The following C8orf34 variants were observed in gnomAD, a reference collection of about 807,000 sequenced individuals.
C8orf34 encodes the protein chromosome 8 open reading frame 34, also known as uncharacterized protein C8orf34.
Under a neutral mutation model 68.3 loss-of-function variants are expected in C8orf34, and 65 were observed. That is an observed-to-expected ratio of 0.95 (90% CI 0.78 to 1.17). The LOEUF (loss-of-function observed/expected upper bound fraction) is 1.17. Among genes scored for constraint, C8orf34 ranks in the 50% most tolerant of loss-of-function variants. The probability of loss-of-function intolerance (pLI) is 0.00; values close to 1 mark genes in which losing one functional copy is unlikely to be tolerated. For missense variants in C8orf34, 664 were observed against 655.4 expected (o/e 1.01, Z -0.14); for synonymous variants, 244 against 241.2 (o/e 1.01, Z -0.11).
intron 8 of C8orf34, among the ~76,000 whole-genome samples, chr8:68,675,369 CA>C (rs531919751): frequency 1.4e-4 from 22 of 151,964 alleles, no homozygotes; most frequent in Non-Finnish European, 2.5e-4. Flanking sequence ...CTTTTCAAGA[CA>C]GACAGTATAA....
chr8:68,575,011 A>G (rs1816860906), intron 7 of C8orf34, among the ~76,000 whole-genome samples: 1 of 152,090 alleles, frequency 6.6e-6, no homozygotes, highest in South Asian at 2.1e-4. Flanking sequence ...ATAAATATTA[A>G]TGCCATGGCT....
At chr8:68,411,650 G>A (rs1809448677) in intron 1 of C8orf34, among the ~76,000 whole-genome samples, 1 of 152,188 alleles carries the variant, frequency 6.6e-6, no homozygotes, top group Non-Finnish European at 1.5e-5. Context: ...TACAAACAGA[G>A]TTCAGCATAT....
intron 8 of C8orf34, among the ~76,000 whole-genome samples, chr8:68,677,686 C>T (rs1820236369): frequency 6.6e-6 from 1 of 151,506 alleles, no homozygotes; most frequent in Non-Finnish European, 1.5e-5. Context: ...ACTAGAAAGG[C>T]AAGAGCAAAC....
intron 6 of C8orf34, among the ~76,000 whole-genome samples, chr8:68,528,690 C>A (rs1376317328): frequency 6.6e-6 from 1 of 152,218 alleles, no homozygotes; most frequent in Non-Finnish European, 1.5e-5. Flanking sequence ...CCCGGCAATG[C>A]AGCTGCACCT....
intron 12 of C8orf34, among the ~76,000 whole-genome samples, chr8:68,812,964 A>G (rs1824699313): frequency 6.6e-6 from 1 of 152,218 alleles, no homozygotes; most frequent in South Asian, 2.1e-4. Context: ...TTCTGTAGTA[A>G]TCATAGTTCA....
intron 13 of C8orf34, among the ~76,000 whole-genome samples, chr8:68,817,179 G>A (rs1036834377): frequency 2.7e-4 from 41 of 152,270 alleles, no homozygotes; most frequent in African/African-American, 8.9e-4. Context: ...AAATTGTGGA[G>A]AAGAAACACA....
chr8:68,714,856 A>G lies in C8orf34; in HGVS notation c.1327+5777A>G, dbSNP rs1821425125. 2.0e-5 allele frequency among the ~76,000 whole-genome samples: 3 copies of G among 152,170 alleles called. 1 individual carries two copies. The highest frequency in any genetic ancestry group is 2.0e-4 in the Admixed American group (3 of 15,266). On this transcript the variant is annotated intron_variant, in intron 9 of 13. Transcript: ENST00000518698. ...AAAAGAACAAATCTGGAGGCATCAC[A>G]TTACCTGAGTTCAAAGTATACTATA...
chr8:68,678,537 C>T (rs1421837359), intron 8 of C8orf34, among the ~76,000 whole-genome samples: 1 of 152,114 alleles, frequency 6.6e-6, no homozygotes, highest in Non-Finnish European at 1.5e-5. Flanking sequence ...AATTCAACAT[C>T]TTTCTTCATG....
chr8:68,357,418 G>A (rs1320812456), intron 1 of C8orf34, among the ~76,000 whole-genome samples: 1 of 152,114 alleles, frequency 6.6e-6, no homozygotes, highest in African/African-American at 2.4e-5. Flanking sequence ...GTTTGGCTAA[G>A]ACATTGAAGT....
chr8:68,815,223 A>T (rs1824774379), intron 12 of C8orf34, among the ~76,000 whole-genome samples: 2 of 152,146 alleles, frequency 1.3e-5, no homozygotes, highest in African/African-American at 4.8e-5. Flanking sequence ...CCCACTAGGT[A>T]CTACTTTTCC....
chr8:68,735,140 AG>A (rs1822087967), intron 10 of C8orf34, among the ~76,000 whole-genome samples: 1 of 152,202 alleles, frequency 6.6e-6, no homozygotes. Context: ...CACATTCCAA[AG>A]CCCTGGTGGC....
intron 1 of C8orf34, among the ~76,000 whole-genome samples, chr8:68,380,772 G>T (rs1807997073): frequency 6.6e-6 from 1 of 152,164 alleles, no homozygotes; most frequent in Non-Finnish European, 1.5e-5. Flanking sequence ...AGAACTTCAG[G>T]ATTGAAACTC....
At chr8:68,611,086 C>T (rs747020815) in intron 7 of C8orf34, among the ~76,000 whole-genome samples, 1 of 151,968 alleles carries the variant, frequency 6.6e-6, no homozygotes, top group African/African-American at 2.4e-5. Flanking sequence ...AGGCTGGTCT[C>T]GAACTCCCGA....
chr8:68,400,255 A>G (rs1808889464), intron 1 of C8orf34, among the ~76,000 whole-genome samples: 1 of 152,082 alleles, frequency 6.6e-6, no homozygotes, highest in Admixed American at 6.6e-5. Context: ...CCAATGTGCA[A>G]AAGAGTTTTC....
intron 7 of C8orf34, among the ~76,000 whole-genome samples, chr8:68,598,082 C>A (rs138929789): frequency 3.0e-4 from 41 of 134,560 alleles, no homozygotes; most frequent in Non-Finnish European, 6.0e-4. Flanking sequence ...ACTGCTTGGA[C>A]ATATTTGGAT....
chr8:68,604,523 T>A (rs1817796416), intron 7 of C8orf34, among the ~76,000 whole-genome samples: 1 of 152,076 alleles, frequency 6.6e-6, no homozygotes, highest in Non-Finnish European at 1.5e-5. Context: ...ATGACAACAA[T>A]TTTCATGTGC....
chr8:68,818,270 G>C lies in C8orf34; in HGVS notation c.*24G>C. On this transcript the variant is annotated 3_prime_UTR_variant, in exon 14 of 14. Coordinates refer to ENST00000518698, the MANE Select transcript of C8orf34 (RefSeq NM_052958.4). ...GAAACAGAGAGAAGAAGTTGCAAGT[G>C]GTCCTTAAAGAAATGCAGTTATTCA... 1.9e-6 allele frequency: 3 copies of C among 1,610,840 alleles called. No individual in the cohort carries two copies. The highest frequency in any genetic ancestry group is 2.5e-6 in the Non-Finnish European group (3 of 1,178,006).
At chr8:68,617,431 C>G (rs955520634) in intron 7 of C8orf34, among the ~76,000 whole-genome samples, 3 of 152,112 alleles carry the variant, frequency 2.0e-5, no homozygotes, top group African/African-American at 7.2e-5. Flanking sequence ...ACTGGTTGTT[C>G]CTTTCCATAT....
chr8:68,460,891 C>T (rs1304437323), intron 3 of C8orf34, among the ~76,000 whole-genome samples: 2 of 152,176 alleles, frequency 1.3e-5, no homozygotes, highest in African/African-American at 2.4e-5. Context: ...AGTGCCTCTC[C>T]TCCTCCAAAG....
Sources: allele counts gnomAD v4.1 joint callset (sites outside exome capture counted in the v4.1 genomes callset), GRCh38; gene constraint gnomAD v4.1.1; transcripts MANE v1.5; gene names NCBI Gene and HGNC (gene_info 2026-07-23, HGNC 2026-07-21).